Variants in TRAPPC11 observed in about 807,000 individuals in gnomAD.
TRAPPC11 encodes the protein trafficking protein particle complex subunit 11.
Under a neutral mutation model 151.2 loss-of-function variants are expected in TRAPPC11, and 104 were observed. The ratio of observed to expected loss-of-function variants is 0.69; its 90% CI spans 0.59 to 0.81. The LOEUF (loss-of-function observed/expected upper bound fraction) is 0.81. Among genes scored for constraint, TRAPPC11 ranks in the 30% least tolerant of loss-of-function variants. The pLI, the probability that TRAPPC11 is intolerant of heterozygous loss-of-function variation, is 0.00. For synonymous variants in TRAPPC11, 456 were observed against 472.3 expected, an observed-to-expected ratio of 0.97 and a Z score of 0.45; for missense variants, 1,230 against 1,349.6, an observed-to-expected ratio of 0.91 and a Z score of 1.39.
chr4:183,674,283 T>G (rs1290750667), intron 5 of TRAPPC11, among the ~76,000 whole-genome samples: 1 of 152,022 alleles, frequency 6.6e-6, no homozygotes, highest in Non-Finnish European at 1.5e-5. Flanking sequence ...CTAGGCATGG[T>G]GGCACATGCC....
intron 1 of TRAPPC11, among the ~76,000 whole-genome samples, chr4:183,660,895 G>A (rs1195819433): frequency 6.6e-6 from 1 of 151,926 alleles, no homozygotes; most frequent in Non-Finnish European, 1.5e-5. Context: ...TGTATTTTTA[G>A]TAGAGACGGG....
chr4:183,690,004 A>G (rs1238287873), intron 18 of TRAPPC11, among the ~76,000 whole-genome samples: 1 of 152,126 alleles, frequency 6.6e-6, no homozygotes, highest in Non-Finnish European at 1.5e-5. Context: ...GGAGTTCAAG[A>G]CCAGCCTGGC....
chr4:183,679,086 G>A (rs1735548992), intron 8 of TRAPPC11, among the ~76,000 whole-genome samples: 1 of 151,986 alleles, frequency 6.6e-6, no homozygotes, highest in Non-Finnish European at 1.5e-5. Flanking sequence ...TTTAAATTCT[G>A]TTCCATATTT....
At chr4:183,673,675 A>AAAATG (rs775315198) in intron 5 of TRAPPC11, among the ~76,000 whole-genome samples, 4 of 152,238 alleles carry the variant, frequency 2.6e-5, no homozygotes, top group East Asian at 3.9e-4. Flanking sequence ...CCCTGTCTCA[A>AAAATG]AAATGAAATG....
intron 5 of TRAPPC11, among the ~76,000 whole-genome samples, chr4:183,670,322 CA>C (rs1735091539): frequency 2.6e-5 from 4 of 152,198 alleles, no homozygotes; most frequent in Admixed American, 2.6e-4. Context: ...GTTTGCTGAT[CA>C]TTTCAAGGCA....
chr4:183,677,220 CAG>C (rs1412054983), intron 7 of TRAPPC11, among the ~76,000 whole-genome samples: 1 of 152,144 alleles, frequency 6.6e-6, no homozygotes, highest in Admixed American at 6.6e-5. Context: ...TTGTTACTGA[CAG>C]ATGTTAATGA....
rs79057512 is a variant in TRAPPC11, at chr4:183,705,055, C to G, written c.3040C>G (p.Leu1014Val). Reference protein sequence around the residue: ...LPHVIVENIPLHVNADLPSFG... With the variant: ...LPHVIVENIPVHVNADLPSFG... ...GCACGTGATTGTGGAGAATATCCCTCTCCATGTGAATGCAGGTAGCGGAAT... is the reference window on the plus strand; with the variant it reads ...GCACGTGATTGTGGAGAATATCCCTGTCCATGTGAATGCAGGTAGCGGAAT... Residue 1014 changes from leucine to valine, a missense_variant, in exon 27 of 30, where the codon CTC becomes GTC. By Grantham distance (32) the Leu-to-Val change is conservative (BLOSUM62 1). Coordinates refer to ENST00000334690, the MANE Select transcript of TRAPPC11 (RefSeq NM_021942.6). 6.3e-7 allele frequency: 1 copy of G among 1,588,916 alleles called. No homozygotes were observed. The highest frequency in any genetic ancestry group is 1.1e-5 in the South Asian group (1 of 87,630).
chr4:183,674,487 T>G (rs1579172895), intron 5 of TRAPPC11, among the ~76,000 whole-genome samples: 1 of 151,958 alleles, frequency 6.6e-6, no homozygotes, highest in Admixed American at 6.6e-5. Context: ...TATTTTTATT[T>G]GTTGTATCCT....
chr4:183,677,982 A>G (rs1241935423), intron 8 of TRAPPC11, among the ~76,000 whole-genome samples: 1 of 147,340 alleles, frequency 6.8e-6, no homozygotes, highest in Non-Finnish European at 1.5e-5. Context: ...CTCTGTTGCC[A>G]GGCTGGAGTG....
chr4:183,701,780 A>C lies in TRAPPC11; in HGVS notation c.2935A>C (p.Thr979Pro), dbSNP rs201344261. 5.0e-6 allele frequency: 8 copies of C among 1,613,462 alleles called. No homozygotes were observed. In the East Asian group the frequency reaches 1.8e-4, roughly 36 times the overall value. Residue 979 changes from threonine to proline, a missense_variant, in exon 26 of 30, where the codon ACC (threonine) becomes CCC (proline). Thr to Pro is a conservative substitution (Grantham distance 38). Coordinates refer to ENST00000334690, the MANE Select transcript of TRAPPC11 (RefSeq NM_021942.6). ...TGGAAATATTGAAGGTGGAGTAGCAACCGGGCATTATATTATCTCTTGGAA... is the reference window on the plus strand; with the variant it reads ...TGGAAATATTGAAGGTGGAGTAGCACCCGGGCATTATATTATCTCTTGGAA... ...SLGNIEGGVA[T>P]GHYIISWKRT...
chr4:183,670,820 CTG>C (rs1406686928), intron 5 of TRAPPC11, among the ~76,000 whole-genome samples: 1 of 152,126 alleles, frequency 6.6e-6, no homozygotes, highest in African/African-American at 2.4e-5. Context: ...AAGTCTCACT[CTG>C]TCGCCCAGGC....
chr4:183,668,475 C>A (rs1190417899), intron 5 of TRAPPC11, among the ~76,000 whole-genome samples: 2 of 152,146 alleles, frequency 1.3e-5, no homozygotes, highest in Non-Finnish European at 2.9e-5. Context: ...AACATGCTTC[C>A]ATATGTGCAT....
chr4:183,674,564 A>G (rs1735316714), intron 5 of TRAPPC11, 149 bp from the exon 6 acceptor site: 2 of 427,314 alleles, frequency 4.7e-6, no homozygotes, highest in South Asian at 6.6e-5. Context: ...CTGAAAATTC[A>G]GGTTATCTTT....
chr4:183,659,742 C>T (rs963257250), intron 1 of TRAPPC11, among the ~76,000 whole-genome samples: 1 of 152,190 alleles, frequency 6.6e-6, no homozygotes, highest in Non-Finnish European at 1.5e-5. Context: ...GGTGTTTCTC[C>T]TACGTTGGAT....
At chr4:183,706,707 A>C in intron 27 of TRAPPC11, 100 bp from the exon 28 acceptor site, 1 of 1,313,908 alleles carries the variant, frequency 7.6e-7, no homozygotes, top group Non-Finnish European at 1.0e-6. Context: ...CATTAATTTA[A>C]ATGATACTAT....
intron 1 of TRAPPC11, among the ~76,000 whole-genome samples, chr4:183,661,649 G>T (rs1411341382): frequency 6.6e-6 from 1 of 151,944 alleles, no homozygotes; most frequent in Non-Finnish European, 1.5e-5. Context: ...GGGATTACAG[G>T]CGTGAGCCAC....
chr4:183,677,644 C>A, intron 8 of TRAPPC11, 90 bp downstream of exon 8: 1 of 796,958 alleles, frequency 1.3e-6, no homozygotes, highest in Non-Finnish European at 2.1e-6. Context: ...ATTTCTTGCT[C>A]TGAAAAGTTA....
chr4:183,668,914 ACTC>A (rs1735013383), intron 5 of TRAPPC11, among the ~76,000 whole-genome samples: 1 of 152,126 alleles, frequency 6.6e-6, no homozygotes, highest in African/African-American at 2.4e-5. Context: ...TCCTTCGTTA[ACTC>A]ATGAACAGTT....
At position 183,712,878 on chromosome 4, in the gene TRAPPC11, C is replaced by A; in HGVS notation, c.*234C>A. The A allele has an allele frequency of 2.2e-6, 1 of 457,600 alleles. No individual in the cohort carries two copies. The allele number at this position is 457,600 out of a possible 1,614,324, so 28.3% of individuals were successfully genotyped here. ...AGTACGACATGAAAGAATGTCAGAC[C>A]ATTGTTATTGTTGAAAGTCATTTGA... is the stretch of plus-strand genomic sequence containing the variant. On this transcript the variant is annotated 3_prime_UTR_variant, in exon 30 of 30. Coordinates refer to ENST00000334690, the MANE Select transcript of TRAPPC11 (RefSeq NM_021942.6).
Sources: gnomAD v4.1 joint callset for allele counts (sites outside exome capture counted in the v4.1 genomes callset) on GRCh38, gnomAD v4.1.1 for gene constraint, MANE v1.5 for transcripts, NCBI Gene and HGNC (gene_info 2026-07-23, HGNC 2026-07-21) for gene names.